Variants in MYCT1 observed in about 807,000 individuals in gnomAD.
The protein encoded by MYCT1 is myc target protein 1.
Under a neutral mutation model 15.0 loss-of-function variants are expected in MYCT1, and 12 were observed. That is an observed-to-expected ratio of 0.80 (90% CI 0.51 to 1.29). The LOEUF (loss-of-function observed/expected upper bound fraction) is 1.29. MYCT1 is among the 50% of genes most tolerant of loss of function. The pLI, the probability that MYCT1 is intolerant of heterozygous loss-of-function variation, is 0.00. For synonymous variants in MYCT1, 104 were observed against 102.7 expected (o/e 1.01, Z -0.07); for missense variants, 287 against 279.1 (o/e 1.03, Z -0.20).
chr6:152,730,488 T>C, the MYCT1 span, among the ~76,000 whole-genome samples: 1 of 152,232 alleles, frequency 6.6e-6, no homozygotes, highest in Admixed American at 6.5e-5. Context: ...AGCCCTTGGC[T>C]TGCCCCTCAA....
chr6:152,737,217 G>C, the MYCT1 span, among the ~76,000 whole-genome samples: 2 of 151,844 alleles, frequency 1.3e-5, no homozygotes, highest in African/African-American at 4.8e-5. Context: ...TGCTGAATGG[G>C]GTTGTTAGCT....
At chr6:152,721,617 T>C (rs2099724713) in intron 1 of MYCT1, 125 bp from the exon 2 acceptor site, 1 of 870,008 alleles carries the variant, frequency 1.1e-6, no homozygotes, top group East Asian at 2.6e-5. Context: ...GTCTTCTATT[T>C]CCCTAATTCA....
intron 1 of MYCT1, among the ~76,000 whole-genome samples, chr6:152,712,796 T>C (rs2758788): frequency 0.23 from 34,690 of 152,028 alleles, 4,516 homozygotes; most frequent in South Asian, 0.36. Flanking sequence ...TTGTCTTTTA[T>C]GAATGTAATG....
rs62426340 is a variant in MYCT1, at chr6:152,709,326, G to T, written c.196+11228G>T. Among the ~76,000 whole-genome samples the T allele has an allele frequency of 9.6e-5, 2 of 20,940 alleles. 1 individual carries two copies. Among genetic ancestry groups the T allele is most frequent in the Admixed American group, 2.0e-3 (2 of 1,002 alleles). 13.7% of individuals were successfully genotyped at this position (20,940 alleles called of 152,430 possible). A position where few individuals can be genotyped will look rare whatever the true frequency, so the allele number is the denominator to read the frequency against. On this transcript the variant is annotated intron_variant, in intron 1 of 1. Transcript: ENST00000367245. ...ATAGTGCCGCAATAAACATACGTGT[G>T]CATGTGTCTTTATAGCAGCATGATT... is the stretch of plus-strand genomic sequence containing the variant.
chr6:152,708,214 AG>A (rs1490088477), intron 1 of MYCT1, among the ~76,000 whole-genome samples: 2 of 152,078 alleles, frequency 1.3e-5, no homozygotes, highest in African/African-American at 4.8e-5. Flanking sequence ...TTGTAAAAAA[AG>A]ATGCCTAGGT....
At chr6:152,742,753 T>G in the MYCT1 span, among the ~76,000 whole-genome samples, 1 of 152,152 alleles carries the variant, frequency 6.6e-6, no homozygotes, top group Non-Finnish European at 1.5e-5. Context: ...CCATCACACA[T>G]AATGTATGAT....
intron 1 of MYCT1, among the ~76,000 whole-genome samples, chr6:152,714,262 T>A (rs573804515): frequency 1.3e-5 from 2 of 151,340 alleles, no homozygotes; most frequent in South Asian, 4.1e-4. Flanking sequence ...TATTAGATTT[T>A]TTTCATATCT....
intron 1 of MYCT1, among the ~76,000 whole-genome samples, chr6:152,717,143 A>G (rs1224934001): frequency 1.3e-5 from 2 of 151,792 alleles, no homozygotes; most frequent in African/African-American, 4.8e-5. Flanking sequence ...TAGTTTGGGC[A>G]GGTCAGAAAA....
chr6:152,706,228 A>C, intron 1 of MYCT1: 1 of 753,960 alleles, frequency 1.3e-6, no homozygotes, highest in Non-Finnish European at 2.4e-6. Flanking sequence ...GGAGAAAATG[A>C]AGGAAAGGCT....
downstream of MYCT1, chr6:152,724,612 C>A (rs1234460885): frequency 3.3e-5 from 5 of 151,984 alleles, no homozygotes; most frequent in Admixed American, 6.5e-5. Context: ...CAACACTGTT[C>A]TAAAAAGCAA....
In MYCT1 at chr6:152,722,758, G is replaced by A; in HGVS notation, c.*505G>A. On this transcript the variant is annotated 3_prime_UTR_variant, in exon 2 of 2. Transcript: ENST00000367245. The stretch of plus-strand genomic sequence containing the variant: ...AGATTTTTCTTTTTTTTTCTTTTGA[G>A]ACAGGGTCTTGATCCGTCGCCCAGG... 2.4e-6 allele frequency: 1 copy of A among 409,006 alleles called. No homozygotes were observed. Among genetic ancestry groups the A allele is most frequent in the Admixed American group, 2.9e-5 (1 of 34,772 alleles). The allele number at this position is 409,006 out of a possible 1,614,324, so 25.3% of individuals were successfully genotyped here. A position where few individuals can be genotyped will look rare whatever the true frequency, so the allele number is the denominator to read the frequency against.
At chr6:152,725,577 T>G (rs2099725514), downstream of MYCT1, among the ~76,000 whole-genome samples, 1 of 152,170 alleles carries the variant, frequency 6.6e-6, no homozygotes, top group African/African-American at 2.4e-5. Flanking sequence ...TGAGCCACCA[T>G]GCCCGGCCCA....
chr6:152,725,234 C>T (rs946739406), downstream of MYCT1, among the ~76,000 whole-genome samples: 3 of 151,752 alleles, frequency 2.0e-5, no homozygotes, highest in African/African-American at 7.3e-5. Context: ...GCAAAAATGG[C>T]CAATATCTTG....
intron 1 of MYCT1, among the ~76,000 whole-genome samples, chr6:152,702,941 G>A (rs2099721591): frequency 6.6e-6 from 1 of 152,280 alleles, no homozygotes; most frequent in Admixed American, 6.5e-5. Context: ...TGATTCAACA[G>A]ATGTGAGATG....
intron 1 of MYCT1, among the ~76,000 whole-genome samples, chr6:152,716,950 AT>A (rs1224840875): frequency 6.6e-6 from 1 of 152,134 alleles, no homozygotes; most frequent in Non-Finnish European, 1.5e-5. Flanking sequence ...AAGGCATATC[AT>A]TTTTTAAAAA....
the MYCT1 span, among the ~76,000 whole-genome samples, chr6:152,737,243 G>C: frequency 6.8e-6 from 1 of 147,014 alleles, no homozygotes; most frequent in African/African-American, 2.5e-5. Flanking sequence ...TAAATTAAAA[G>C]TTTTTTTTTT....
chr6:152,746,681 A>T, the MYCT1 span, among the ~76,000 whole-genome samples: 1 of 152,188 alleles, frequency 6.6e-6, no homozygotes, highest in Non-Finnish European at 1.5e-5. Flanking sequence ...ACATCTTAGT[A>T]TTGTGTGTTC....
At chr6:152,713,861 C>T (rs1203235525) in intron 1 of MYCT1, among the ~76,000 whole-genome samples, 2 of 152,080 alleles carry the variant, frequency 1.3e-5, no homozygotes, top group African/African-American at 2.4e-5. Context: ...CTTTACCTGT[C>T]CCAGACTGGA....
downstream of MYCT1, among the ~76,000 whole-genome samples, chr6:152,725,416 A>G (rs1430507913): frequency 6.6e-6 from 1 of 152,202 alleles, no homozygotes; most frequent in Non-Finnish European, 1.5e-5. Context: ...CATTTAAACA[A>G]CACTCTAGTA....
Sources: allele counts gnomAD v4.1 joint callset (sites outside exome capture counted in the v4.1 genomes callset), GRCh38; gene constraint gnomAD v4.1.1; transcripts MANE v1.5; gene names NCBI Gene and HGNC (gene_info 2026-07-23, HGNC 2026-07-21).